Variants in UHRF2 observed in about 807,000 individuals in gnomAD.
UHRF2 encodes ubiquitin like with PHD and ring finger domains 2.
UHRF2 carries 23 observed loss-of-function variants against 96.8 expected under a neutral mutation model. That is an observed-to-expected ratio of 0.24 (90% CI 0.17 to 0.34). The LOEUF is 0.34. Ranked by LOEUF, UHRF2 falls within the 10% of genes least tolerant of loss-of-function variation. The pLI is 1.00. For synonymous variants in UHRF2, 385 were observed against 332.6 expected (o/e 1.16, Z -1.72); for missense variants, 685 against 981.5 (o/e 0.70, Z 4.04).
rs1816572168 is a variant in UHRF2, at chr9:6,506,181, C to A, written c.*2C>A. The A allele has an allele frequency of 6.2e-7, 1 of 1,613,980 alleles. No homozygotes were observed. Among genetic ancestry groups the A allele is most frequent in the Non-Finnish European group, 8.5e-7 (1 of 1,179,942 alleles). On this transcript the variant is annotated 3_prime_UTR_variant, in exon 16 of 16. Transcript: ENST00000276893. ...CCTGGCTACAGCAAAGGACGATGATCTGCCTGCTTTCACTGTGTTGTTCAT... is the reference window on the plus strand; with the variant it reads ...CCTGGCTACAGCAAAGGACGATGATATGCCTGCTTTCACTGTGTTGTTCAT...
intron 4 of UHRF2, among the ~76,000 whole-genome samples, chr9:6,473,692 G>A (rs963632067): frequency 6.6e-6 from 1 of 152,174 alleles, no homozygotes; most frequent in Non-Finnish European, 1.5e-5. Context: ...ATAGTAAATA[G>A]TTTAACATGG....
chr9:6,458,677 C>G (rs557110734), intron 3 of UHRF2, among the ~76,000 whole-genome samples: 81 of 152,232 alleles, frequency 5.3e-4, no homozygotes, highest in Middle Eastern at 3.4e-3. Context: ...GGACCTAGAA[C>G]CAGAAATACC....
At chr9:6,419,461 G>A (rs1233923733) in intron 1 of UHRF2, among the ~76,000 whole-genome samples, 1 of 150,074 alleles carries the variant, frequency 6.7e-6, no homozygotes, top group African/African-American at 2.5e-5. Flanking sequence ...ATCCCTTCTT[G>A]TTTTTTTTTC....
chr9:6,469,708 A>T (rs1419958840), intron 4 of UHRF2, among the ~76,000 whole-genome samples: 2 of 150,914 alleles, frequency 1.3e-5, no homozygotes, highest in African/African-American at 4.9e-5. Flanking sequence ...ATACATACAT[A>T]TACACACATA....
chr9:6,462,470 GAT>G (rs1202707958), intron 4 of UHRF2, among the ~76,000 whole-genome samples: 1 of 152,192 alleles, frequency 6.6e-6, no homozygotes, highest in African/African-American at 2.4e-5. Flanking sequence ...TTGAAACCCT[GAT>G]ATGGATGCAA....
intron 4 of UHRF2, among the ~76,000 whole-genome samples, chr9:6,472,425 C>T (rs1823299358): frequency 6.6e-6 from 1 of 152,080 alleles, no homozygotes; most frequent in South Asian, 2.1e-4. Flanking sequence ...TAAAGGAGAG[C>T]CAAGGATTTT....
chr9:6,420,519 G>A (rs1472938525), intron 1 of UHRF2, among the ~76,000 whole-genome samples: 2 of 151,374 alleles, frequency 1.3e-5, no homozygotes, highest in African/African-American at 2.4e-5. Flanking sequence ...TGGCAAACAC[G>A]GTGAAACCCC....
chr9:6,468,466 A>C (rs1427519584), intron 4 of UHRF2: 6 of 455,974 alleles, frequency 1.3e-5, no homozygotes, highest in Non-Finnish European at 2.6e-5. Flanking sequence ...AACTGCGGGT[A>C]TGTCTCTGGA....
At chr9:6,458,642 A>G (rs985674307) in intron 3 of UHRF2, among the ~76,000 whole-genome samples, 17 of 152,124 alleles carry the variant, frequency 1.1e-4, no homozygotes, top group Admixed American at 1.1e-3. Flanking sequence ...AATTAGTTCA[A>G]CCATTGTGGA....
chr9:6,479,607 C>T (rs966255117), intron 6 of UHRF2, among the ~76,000 whole-genome samples: 1 of 152,080 alleles, frequency 6.6e-6, no homozygotes, highest in African/African-American at 2.4e-5. Context: ...ATCTAATTTC[C>T]CCTGGGCTTT....
intron 3 of UHRF2, among the ~76,000 whole-genome samples, chr9:6,440,431 C>T (rs1821093154): frequency 6.6e-6 from 1 of 152,102 alleles, no homozygotes. Flanking sequence ...CTCAAGAGCC[C>T]AAGAGTTAAC....
intron 3 of UHRF2, among the ~76,000 whole-genome samples, chr9:6,434,600 G>C (rs766529289): frequency 5.9e-5 from 9 of 151,768 alleles, no homozygotes; most frequent in Non-Finnish European, 1.2e-4. Flanking sequence ...CACCACGCCT[G>C]ATTAATTCTT....
Position 6,417,171 on chromosome 9 carries a change from C to A in UHRF2, c.153+3528C>A, listed in dbSNP as rs182523645. Among the ~76,000 whole-genome samples the A allele has an allele frequency of 1.0e-3, 154 of 152,266 alleles. 1 individual carries two copies. Among genetic ancestry groups the A allele is most frequent in the African/African-American group, 3.5e-3 (146 of 41,550 alleles). ...CTTCCCACTGCCCTCTCAGCCACTT[C>A]CACTTGGCATTTGCTTTCTAGTATT... is the stretch of plus-strand genomic sequence containing the variant. On this transcript the variant is annotated intron_variant, in intron 1 of 15. Transcript: ENST00000276893.
intron 4 of UHRF2, chr9:6,468,453 A>G (rs1479603935): frequency 8.8e-6 from 4 of 455,986 alleles, no homozygotes; most frequent in Non-Finnish European, 1.8e-5. Flanking sequence ...ATCAAAGAGA[A>G]CCAACTGCGG....
chr9:6,423,949 A>AAAATAAAT lies in UHRF2; in HGVS notation c.384+2819_384+2826dup, dbSNP rs139097155. The stretch of plus-strand genomic sequence containing the variant: ...GACACAGTGAGACTCAGTATCAAAA[A>AAAATAAAT]AAATAAATAAATAAATAAAGGAACT... On this transcript the variant is annotated intron_variant, in intron 2 of 15. Transcript: ENST00000276893. 1.3e-3 allele frequency among the ~76,000 whole-genome samples: 200 copies of AAAATAAAT among 151,614 alleles called. 1 individual carries two copies. The highest frequency in any genetic ancestry group is 6.6e-3 in the East Asian group (34 of 5,142).
At chr9:6,463,000 G>T (rs970797691) in intron 4 of UHRF2, among the ~76,000 whole-genome samples, 1 of 152,022 alleles carries the variant, frequency 6.6e-6, no homozygotes, top group Admixed American at 6.6e-5. Flanking sequence ...AGACTGAGTG[G>T]GCCAGGTGCC....
At chr9:6,491,543 T>A (rs891231019) in intron 9 of UHRF2, among the ~76,000 whole-genome samples, 1 of 152,128 alleles carries the variant, frequency 6.6e-6, no homozygotes, top group African/African-American at 2.4e-5. Context: ...GGAGAATGTT[T>A]GTCTTCATTG....
chr9:6,498,808 A>T (rs77116152), intron 12 of UHRF2: 32 of 152,430 alleles, frequency 2.1e-4, no homozygotes, highest in Admixed American at 2.1e-3. Flanking sequence ...TTCATCTCCC[A>T]TCATTCCCCA....
intron 3 of UHRF2, among the ~76,000 whole-genome samples, chr9:6,435,063 C>T (rs1265406397): frequency 1.3e-5 from 2 of 151,296 alleles, no homozygotes; most frequent in Non-Finnish European, 2.9e-5. Flanking sequence ...GCTGGGAGTA[C>T]AGTGATGCAA....
Sources: gnomAD v4.1 joint callset for allele counts (sites outside exome capture counted in the v4.1 genomes callset) on GRCh38, gnomAD v4.1.1 for gene constraint, MANE v1.5 for transcripts, NCBI Gene and HGNC (gene_info 2026-07-23, HGNC 2026-07-21) for gene names.